The following ARID3A variants were observed in gnomAD, a reference collection of about 807,000 sequenced individuals.
ARID3A encodes AT-rich interaction domain 3A, also known as AT-rich interactive domain-containing protein 3A.
A neutral mutation model predicts 52.7 loss-of-function variants in ARID3A; 11 were observed. The ratio of observed to expected loss-of-function variants is 0.21; its 90% CI spans 0.13 to 0.35. The LOEUF (loss-of-function observed/expected upper bound fraction) is 0.35. ARID3A is among the 10% of genes least tolerant of loss of function. The probability of loss-of-function intolerance (pLI) is 1.00; values close to 1 mark genes in which losing one functional copy is unlikely to be tolerated. For missense variants in ARID3A, 721 were observed against 838.5 expected, an observed-to-expected ratio of 0.86 and a Z score of 1.73; for synonymous variants, 404 against 359.4, an observed-to-expected ratio of 1.12 and a Z score of -1.40.
rs898925642 is a variant in ARID3A, at chr19:944,784, C to T, written c.693+12042C>T. 3.3e-5 allele frequency among the ~76,000 whole-genome samples: 5 copies of T among 152,184 alleles called. No homozygotes were observed. Among genetic ancestry groups the T allele is most frequent in the African/African-American group, 1.2e-4 (5 of 41,458 alleles). ...GGGACCACAGACACTCGCCACCACA[C>T]CCGGCTAACTTCATTTTATTTTTTG... On this transcript the variant is annotated intron_variant, in intron 3 of 8. Coordinates refer to ENST00000263620, the MANE Select transcript of ARID3A (RefSeq NM_005224.3). This position sits in a 1 kb window ranked among gnomAD's most constrained non-coding sequence, Gnocchi z 5.9.
chr19:971,889 G>T lies in ARID3A; in HGVS notation c.1606G>T (p.Ala536Ser), dbSNP rs1383026538. Residue 536 changes from alanine to serine, a missense_variant, in exon 9 of 9, where the codon GCT (alanine) becomes TCT (serine). Physicochemically the swap from Ala to Ser is moderately conservative, Grantham distance 99. Coordinates refer to ENST00000263620, the MANE Select transcript of ARID3A (RefSeq NM_005224.3). ...TGTTCTTGCCTTAGGAGTTCTGTTT[G>T]CTCAGCCGCCGGCCCCCACGCCAAC... ...NGIMYTGVLF[A>S]QPPAPTPTSA... is the part of the protein sequence containing the mutation. The T allele has an allele frequency of 6.2e-7, 1 of 1,600,988 alleles. No individual in the cohort carries two copies. The highest frequency in any genetic ancestry group is 8.5e-7 in the Non-Finnish European group (1 of 1,174,062).
At chr19:934,984 C>G (rs925495158) in intron 3 of ARID3A, among the ~76,000 whole-genome samples, 6 of 152,228 alleles carry the variant, frequency 3.9e-5, no homozygotes, top group African/African-American at 1.4e-4. Flanking sequence ...TGGCCAGACA[C>G]CTGTGTTCCC....
intron 4 of ARID3A, among the ~76,000 whole-genome samples, chr19:962,410 C>T (rs943206772): frequency 3.3e-5 from 5 of 152,008 alleles, no homozygotes; most frequent in South Asian, 2.1e-4. Context: ...CTGGGCCCCA[C>T]GACGGGCCCT....
intron 3 of ARID3A, among the ~76,000 whole-genome samples, chr19:949,083 C>T (rs2037749299): frequency 6.6e-6 from 1 of 152,280 alleles, no homozygotes; most frequent in East Asian, 1.9e-4. Context: ...CCCGCCTCTC[C>T]GGACTGTGGA....
intron 4 of ARID3A, among the ~76,000 whole-genome samples, chr19:963,514 G>A (rs2038085604): frequency 6.6e-6 from 1 of 152,186 alleles, no homozygotes; most frequent in Non-Finnish European, 1.5e-5. Flanking sequence ...GCCTGGGAGA[G>A]CCCTGGAGGG....
chr19:964,202 G>C lies in ARID3A; in HGVS notation c.767-46G>C. 1 of 1,536,674 alleles carries C rather than the reference G, an allele frequency of 6.5e-7. No individual in the cohort carries two copies. Among genetic ancestry groups the C allele is most frequent in the Non-Finnish European group, 8.9e-7 (1 of 1,122,536 alleles). On this transcript the variant is annotated intron_variant, in intron 4 of 8. Coordinates refer to ENST00000263620, the MANE Select transcript of ARID3A (RefSeq NM_005224.3). This position sits in a 1 kb window ranked among gnomAD's most constrained non-coding sequence, Gnocchi z 5.7. ...CGGAGGCCAGGACACTCGGCTCCCT[G>C]CAGTGCCCAGGTGGCCCCCAACCTC...
rs1157683802 is a variant in ARID3A at position 929,574 on chromosome 19, C to T, written c.46C>T (p.Arg16Trp). Residue 16 changes from arginine to tryptophan, a missense_variant, in exon 2 of 9, where the codon CGG becomes TGG. Transcript: ENST00000263620. The surrounding 1 kb of genome is among the most constrained non-coding windows in gnomAD (Gnocchi z 6.2). Reference protein sequence around the residue: ...VMETLLQRQQRARQELEARQQ... With the variant: ...VMETLLQRQQWARQELEARQQ... ...GGAGACGCTGTTGCAGCGGCAGCAGCGGGCGCGCCAGGAGCTGGAGGCCCG... is the reference window on the plus strand; with the variant it reads ...GGAGACGCTGTTGCAGCGGCAGCAGTGGGCGCGCCAGGAGCTGGAGGCCCG... 12 of 1,523,146 alleles carry T rather than the reference C, an allele frequency of 7.9e-6. No homozygotes were observed. Among genetic ancestry groups the T allele is most frequent in the Non-Finnish European group, 1.1e-5 (12 of 1,141,768 alleles). 94.4% of individuals were successfully genotyped at this position (1,523,146 alleles called of 1,614,324 possible).
intron 3 of ARID3A, among the ~76,000 whole-genome samples, chr19:958,638 A>G (rs913207445): frequency 3.9e-5 from 6 of 152,080 alleles, no homozygotes; most frequent in African/African-American, 1.2e-4. Context: ...TCACGCCTGT[A>G]ATCCCAGCAC....
At position 973,418 on chromosome 19, in the gene ARID3A, T is replaced by A. The variant is rs2038323031; in HGVS notation, c.*1353T>A. Reference sequence around the variant, plus strand: ...CATGAGCCGCCACGCTGGCCCGGTCTGGAAATCTTATCTAAAAAGTAGCAA... The same window carrying A: ...CATGAGCCGCCACGCTGGCCCGGTCAGGAAATCTTATCTAAAAAGTAGCAA... On this transcript the variant is annotated 3_prime_UTR_variant, in exon 9 of 9. Transcript: ENST00000263620. 1 of 196,580 alleles carries A rather than the reference T, an allele frequency of 5.1e-6. No individual in the cohort carries two copies. The highest frequency in any genetic ancestry group is 1.9e-4 in the South Asian group (1 of 5,208). 12.2% of individuals were successfully genotyped at this position (196,580 alleles called of 1,614,324 possible). A position where few individuals can be genotyped will look rare whatever the true frequency, so the allele number is the denominator to read the frequency against.
intron 3 of ARID3A, among the ~76,000 whole-genome samples, chr19:952,971 G>C (rs2037834100): frequency 6.6e-6 from 1 of 152,170 alleles, no homozygotes; most frequent in South Asian, 2.1e-4. Flanking sequence ...CACTGCTGGG[G>C]GAGGGGCCGC....
intron 1 of ARID3A, among the ~76,000 whole-genome samples, chr19:926,997 C>T (rs1488389987): frequency 6.6e-6 from 1 of 152,016 alleles, no homozygotes; most frequent in Non-Finnish European, 1.5e-5. Context: ...CTCCAGGCCC[C>T]CCCAACCCAG....
In ARID3A at chr19:960,340, A is replaced by G. The variant is rs903933657; in HGVS notation, c.766+176A>G. On this transcript the variant is annotated intron_variant, in intron 4 of 8. Transcript: ENST00000263620. The surrounding 1 kb of genome is among the most constrained non-coding windows in gnomAD (Gnocchi z 4.3). ...GTCTTGGGGGGAAACACATCCTGCC[A>G]TGGAGGTTTGACGCGGGAGGCACGC... 6.6e-6 allele frequency among the ~76,000 whole-genome samples: 1 copy of G among 152,038 alleles called. No individual in the cohort carries two copies. Among genetic ancestry groups the G allele is most frequent in the Non-Finnish European group, 1.5e-5 (1 of 67,980 alleles).
At chr19:935,823 C>T (rs113782568) in intron 3 of ARID3A, among the ~76,000 whole-genome samples, 7,167 of 152,182 alleles carry the variant, frequency 0.047, 222 homozygotes, top group Admixed American at 0.097. Flanking sequence ...CGGAGTCTCG[C>T]TCTGTCGCCC....
Position 942,918 on chromosome 19 carries a change from C to G in ARID3A, c.693+10176C>G, listed in dbSNP as rs73507583. Among the ~76,000 whole-genome samples the G allele has an allele frequency of 2.7e-3, 406 of 152,276 alleles. 4 individuals are homozygous for G. The highest frequency in any genetic ancestry group is 9.4e-3 in the African/African-American group (390 of 41,564). On this transcript the variant is annotated intron_variant, in intron 3 of 8. Coordinates refer to ENST00000263620, the MANE Select transcript of ARID3A (RefSeq NM_005224.3). This position sits in a 1 kb window ranked among gnomAD's most constrained non-coding sequence, Gnocchi z 8.1. ...ATGGGACTGCATTTGGAAATAGGGTCTCTGAAGATGTTAGTTTCAGTGAGG... is the reference window on the plus strand; with the variant it reads ...ATGGGACTGCATTTGGAAATAGGGTGTCTGAAGATGTTAGTTTCAGTGAGG...
chr19:943,654 G>T (rs1568361743), intron 3 of ARID3A, among the ~76,000 whole-genome samples: 1 of 152,208 alleles, frequency 6.6e-6, no homozygotes, highest in African/African-American at 2.4e-5. Flanking sequence ...AGGCTGGAGC[G>T]ATGTGGCCAC....
chr19:964,183 C>T lies in ARID3A; in HGVS notation c.767-65C>T, dbSNP rs1231399690. ...GCTCCTGGCATGGAGAGGGCGGAGG[C>T]CAGGACACTCGGCTCCCTGCAGTGC... is the stretch of plus-strand genomic sequence containing the variant. On this transcript the variant is annotated intron_variant, in intron 4 of 8. Transcript: ENST00000263620. This position sits in a 1 kb window ranked among gnomAD's most constrained non-coding sequence, Gnocchi z 5.7. 2 of 1,419,724 alleles carry T rather than the reference C, an allele frequency of 1.4e-6. No homozygotes were observed. Among genetic ancestry groups the T allele is most frequent in the Admixed American group, 3.6e-5 (2 of 54,896 alleles). The allele number at this position is 1,419,724 out of a possible 1,614,324, so 87.9% of individuals were successfully genotyped here.
chr19:953,172 C>G (rs916284851), intron 3 of ARID3A, among the ~76,000 whole-genome samples: 1 of 152,138 alleles, frequency 6.6e-6, no homozygotes, highest in African/African-American at 2.4e-5. Context: ...CCCCTCCCCA[C>G]TCCCAGGTGG....
intron 3 of ARID3A, among the ~76,000 whole-genome samples, chr19:936,534 C>G (rs139157181): frequency 8.4e-4 from 128 of 151,964 alleles, no homozygotes; most frequent in African/African-American, 3.0e-3. Flanking sequence ...CAGAGCGAGA[C>G]CCTGTCTCGA....
rs2038103735 is a variant in ARID3A at position 964,429 on chromosome 19, C to T, written c.948C>T (p.Thr316=). 2 of 1,592,904 alleles carry T rather than the reference C, an allele frequency of 1.3e-6. No homozygotes were observed. The highest frequency in any genetic ancestry group is 8.5e-7 in the Non-Finnish European group (1 of 1,169,632). ...SITSAAFTLR[T]QYMKYLYPYE... is the part of the protein sequence containing the mutation. Reference sequence around the variant, plus strand: ...CCAGTGCAGCCTTCACCCTGCGGACCCAGTGAGTGGCGGACGGTTGTGCCG... The same window carrying T: ...CCAGTGCAGCCTTCACCCTGCGGACTCAGTGAGTGGCGGACGGTTGTGCCG... Residue 316 remains threonine, a splice_region_variant and synonymous_variant, in exon 5 of 9, where the codon ACC becomes ACT. Coordinates refer to ENST00000263620, the MANE Select transcript of ARID3A (RefSeq NM_005224.3). This position sits in a 1 kb window ranked among gnomAD's most constrained non-coding sequence, Gnocchi z 5.7.
Sources: allele counts gnomAD v4.1 joint callset (sites outside exome capture counted in the v4.1 genomes callset), GRCh38; gene constraint gnomAD v4.1.1; non-coding constraint Gnocchi (gnomAD v3.1); transcripts MANE v1.5; gene names NCBI Gene and HGNC (gene_info 2026-07-23, HGNC 2026-07-21).